Variants in ZIC3 observed in about 807,000 individuals in gnomAD.
ZIC3 encodes the protein zinc finger protein ZIC 3.
A neutral mutation model predicts 18.3 loss-of-function variants in ZIC3; 6 were observed. The ratio of observed to expected loss-of-function variants is 0.33; its 90% confidence interval spans 0.18 to 0.65. The LOEUF (loss-of-function observed/expected upper bound fraction) is 0.65, where lower values mean the gene tolerates loss of function less well. ZIC3 is among the 30% of genes least tolerant of loss of function. The pLI is 0.75. For missense variants in ZIC3, 260 were observed against 410.0 expected, an observed-to-expected ratio of 0.63 and a Z score of 3.16; for synonymous variants, 175 against 177.0, an observed-to-expected ratio of 0.99 and a Z score of 0.09.
Position 137,566,786 on chromosome X carries a change from C to T in ZIC3, c.95C>T (p.Pro32Leu). ...CACCACGAGATGCCCAACCGTGAGC[C>T]GGCAGGCATGGGGCTGAATCCCTTC... ...PRHHEMPNREPAGMGLNPFGD... is the reference protein window; with the variant it reads ...PRHHEMPNRELAGMGLNPFGD... The change falls in exon 1 of 3, where the codon CCG becomes CTG. Residue 32 changes from proline to leucine, a missense_variant. This residue lies in a region of ZIC3 where 183 missense variants were observed against 223.8 expected (regional missense o/e 0.82). Transcript: ENST00000287538. 8.5e-7 allele frequency: 1 copy of T among 1,181,489 alleles called. No homozygotes were observed. The highest frequency in any genetic ancestry group is 1.1e-6 in the Non-Finnish European group (1 of 882,137).
intron 1 of ZIC3, among the ~76,000 whole-genome samples, chrX:137,568,331 GATCGATCGATCTATCTATCT>G (rs1249565336): frequency 3.3e-5 from 2 of 59,727 alleles, no homozygotes; most frequent in South Asian, 1.7e-3. Flanking sequence ...GAGCCCCCTG[GATCGATCGATCTATCTATCT>G]ATCTATCTAT....
rs2124184351 is a variant in ZIC3 at position 137,567,689 on chromosome X, C to T, written c.998C>T (p.Pro333Leu). 1.6e-6 allele frequency: 2 copies of T among 1,212,410 alleles called. No individual in the cohort carries two copies. The highest frequency in any genetic ancestry group is 1.7e-5 in the African/African-American group (1 of 58,037). The change falls in exon 1 of 3, where the codon CCG becomes CTG. Residue 333 changes from proline (P) to leucine (L), a missense_variant. Physicochemically the swap from Pro to Leu is moderately conservative, Grantham distance 98. Coordinates refer to ENST00000287538, the MANE Select transcript of ZIC3 (RefSeq NM_003413.4). ...GAGAAGCCCTTCCCATGCCCCTTCC[C>T]GGGCTGCGGGAAGATCTTTGCCCGT... ...TGEKPFPCPF[P>L]GCGKIFARSE...
In ZIC3 at chrX:137,566,458, T is replaced by TC; in HGVS notation, c.-232dup. ...TTTTCTCCTCCCTTCTCCTCCCTCC[T>TC]CCTCCCCCCGCCAACACCCCCTCCC... On this transcript the variant is annotated 5_prime_UTR_variant, in exon 1 of 3. Transcript: ENST00000287538. The TC allele has an allele frequency of 1.8e-5, 4 of 222,988 alleles. No individual in the cohort carries two copies. The highest frequency in any genetic ancestry group is 2.5e-5 in the Non-Finnish European group (3 of 119,809). 18.4% of individuals were successfully genotyped at this position (222,988 alleles called of 1,213,427 possible).
At chrX:137,568,467 A>C (rs1453609991) in intron 1 of ZIC3, among the ~76,000 whole-genome samples, 2 of 111,669 alleles carry the variant, frequency 1.8e-5, no homozygotes, top group Non-Finnish European at 3.8e-5. Flanking sequence ...TGAAAGAGGC[A>C]AATAAAAAGG....
downstream of ZIC3, among the ~76,000 whole-genome samples, chrX:137,574,429 G>A (rs759031626): frequency 1.2e-3 from 134 of 113,461 alleles, no homozygotes; most frequent in Non-Finnish European, 1.9e-3. Context: ...GCACGTGTGA[G>A]AGCCGGGCCA....
At chrX:137,568,376 ATCTATCTAT>A (rs1311512278) in intron 1 of ZIC3, among the ~76,000 whole-genome samples, 16 of 109,830 alleles carry the variant, frequency 1.5e-4, no homozygotes, top group African/African-American at 5.3e-4. Context: ...CTATCTATCT[ATCTATCTAT>A]ATTTTTTTCC....
downstream of ZIC3, among the ~76,000 whole-genome samples, chrX:137,573,136 C>A (rs1230189440): frequency 2.5e-5 from 1 of 40,418 alleles, no homozygotes; most frequent in African/African-American, 1.1e-4. Flanking sequence ...AGTACCCCCC[C>A]CAAAAAAAAA....
At chrX:137,568,539 A>C (rs1433133612) in intron 1 of ZIC3, among the ~76,000 whole-genome samples, 1 of 112,162 alleles carries the variant, frequency 8.9e-6, no homozygotes, top group African/African-American at 3.2e-5. Context: ...GCTCGGTTAC[A>C]TTGCTGAGGT....
chrX:137,572,406 C>G (rs776881756), downstream of ZIC3, among the ~76,000 whole-genome samples: 1 of 111,903 alleles, frequency 8.9e-6, no homozygotes, highest in Non-Finnish European at 1.9e-5. Flanking sequence ...ATGTGATGAG[C>G]AGGTAACCTG....
At chrX:137,573,095 T>C (rs1301849316), downstream of ZIC3, among the ~76,000 whole-genome samples, 1 of 97,486 alleles carries the variant, frequency 1.0e-5, no homozygotes, top group Admixed American at 1.1e-4. Flanking sequence ...ATTTACACTC[T>C]TGAATATTCA....
rs759652207 is a variant in ZIC3, at chrX:137,567,693, C to T, written c.1002C>T (p.Gly334=). 1.8e-5 allele frequency: 22 copies of T among 1,212,502 alleles called. No individual in the cohort carries two copies. Among genetic ancestry groups the T allele is most frequent in the Non-Finnish European group, 2.5e-5 (22 of 895,695 alleles). ...GEKPFPCPFP[G]CGKIFARSEN... ...AGCCCTTCCCATGCCCCTTCCCGGG[C>T]TGCGGGAAGATCTTTGCCCGTTCTG... Residue 334 remains glycine, a synonymous_variant, in exon 1 of 3, where the codon GGC becomes GGT. Coordinates refer to ENST00000287538, the MANE Select transcript of ZIC3 (RefSeq NM_003413.4).
downstream of ZIC3, among the ~76,000 whole-genome samples, chrX:137,574,445 G>C (rs1043138277): frequency 8.8e-6 from 1 of 113,382 alleles, no homozygotes; most frequent in Non-Finnish European, 1.9e-5. Flanking sequence ...GGCCAGGGCC[G>C]GAGCGGGGAC....
chrX:137,574,458 G>A (rs1602746066), downstream of ZIC3, among the ~76,000 whole-genome samples: 1 of 113,401 alleles, frequency 8.8e-6, no homozygotes, highest in Non-Finnish European at 1.9e-5. Flanking sequence ...GCGGGGACCC[G>A]CTGGGAGGAA....
chrX:137,566,426 C>A lies in ZIC3; in HGVS notation c.-266C>A. ...GTTAGTTTGTTAAACCAGATCTAGT[C>A]CGAGTCTTTTCTCCTCCCTTCTCCT... On this transcript the variant is annotated 5_prime_UTR_variant, in exon 1 of 3. Transcript: ENST00000287538. The A allele has an allele frequency of 2.4e-6, 1 of 423,974 alleles. No homozygotes were observed. Among genetic ancestry groups the A allele is most frequent in the Non-Finnish European group, 4.1e-6 (1 of 245,148 alleles). The allele number at this position is 423,974 out of a possible 1,213,427, so 34.9% of individuals were successfully genotyped here. A position where few individuals can be genotyped will look rare whatever the true frequency, so the allele number is the denominator to read the frequency against.
At chrX:137,568,344 A>ATCTATCTC in intron 1 of ZIC3, among the ~76,000 whole-genome samples, 1 of 73,369 alleles carries the variant, frequency 1.4e-5, no homozygotes, top group South Asian at 5.8e-4. Flanking sequence ...CGATCGATCT[A>ATCTATCTC]TCTATCTATC....
chrX:137,566,475 C>A lies in ZIC3; in HGVS notation c.-217C>A. 1 of 276,108 alleles carries A rather than the reference C, an allele frequency of 3.6e-6. No homozygotes were observed. The highest frequency in any genetic ancestry group is 6.3e-6 in the Non-Finnish European group (1 of 159,517). 22.8% of individuals were successfully genotyped at this position (276,108 alleles called of 1,213,427 possible). On this transcript the variant is annotated 5_prime_UTR_variant, in exon 1 of 3. Transcript: ENST00000287538. ...CTCCCTCCTCCTCCCCCCGCCAACACCCCCTCCCTGCTCTTTCTTCCCCTC... is the reference window on the plus strand; with the variant it reads ...CTCCCTCCTCCTCCCCCCGCCAACAACCCCTCCCTGCTCTTTCTTCCCCTC...
chrX:137,576,571 GA>G (rs1490859669), downstream of ZIC3, among the ~76,000 whole-genome samples: 1 of 112,311 alleles, frequency 8.9e-6, no homozygotes, highest in Non-Finnish European at 1.9e-5. Context: ...ACCGAGGTTT[GA>G]TTCTGTCATA....
Position 137,570,331 on chromosome X carries a change from C to G in ZIC3, c.*261C>G. 2.7e-6 allele frequency: 1 copy of G among 373,360 alleles called. No homozygotes were observed. The highest frequency in any genetic ancestry group is 4.7e-6 in the Non-Finnish European group (1 of 212,733). 30.8% of individuals were successfully genotyped at this position (373,360 alleles called of 1,213,427 possible). A position where few individuals can be genotyped will look rare whatever the true frequency, so the allele number is the denominator to read the frequency against. ...ACTTTTTCTTCCCCTTCCTCTTGCT[C>G]TCTGCACACCCCATTCTTAAACTCC... On this transcript the variant is annotated 3_prime_UTR_variant, in exon 3 of 3. Coordinates refer to ENST00000287538, the MANE Select transcript of ZIC3 (RefSeq NM_003413.4).
intron 1 of ZIC3, 114 bp downstream of exon 1, chrX:137,567,865 C>T: frequency 8.7e-7 from 1 of 1,153,715 alleles, no homozygotes; most frequent in African/African-American, 1.8e-5. Flanking sequence ...CGCCCCGCAA[C>T]GGCCGCTCGA....
Sources: allele counts gnomAD v4.1 joint callset (sites outside exome capture counted in the v4.1 genomes callset), GRCh38; gene constraint gnomAD v4.1.1; regional missense constraint gnomAD v4.1.1; transcripts MANE v1.5; gene names NCBI Gene and HGNC (gene_info 2026-07-23, HGNC 2026-07-21).